NRXN1: variants seen among roughly 807,000 people sequenced by gnomAD.
The protein encoded by NRXN1 is neurexin-1.
In NRXN1, 39 loss-of-function variants were observed where a neutral mutation model predicts 150.9. The observed-to-expected ratio is 0.26, with a 90% CI of 0.20 to 0.34. The LOEUF (loss-of-function observed/expected upper bound fraction) is 0.34, where lower values mean the gene tolerates loss of function less well. NRXN1 is among the 10% of genes least tolerant of loss of function. The pLI, the probability that NRXN1 is intolerant of heterozygous loss-of-function variation, is 1.00. For synonymous variants in NRXN1, 924 were observed against 757.0 expected, an observed-to-expected ratio of 1.22 and a Z score of -3.62; for missense variants, 1,815 against 1,949.9, an observed-to-expected ratio of 0.93 and a Z score of 1.30.
At chr2:49,966,254 G>A (rs1022947702) in intron 21 of NRXN1, among the ~76,000 whole-genome samples, 10 of 152,108 alleles carry the variant, frequency 6.6e-5, no homozygotes, top group African/African-American at 2.2e-4. Context: ...TTTTCAAGAT[G>A]AAGAGATGTT....
chr2:50,519,605 C>G (rs1457561909), intron 12 of NRXN1, among the ~76,000 whole-genome samples: 1 of 151,896 alleles, frequency 6.6e-6, no homozygotes, highest in Non-Finnish European at 1.5e-5. Flanking sequence ...TGAGTTATGT[C>G]TCTGTGCCTG....
chr2:50,995,520 G>A (rs532820044), intron 2 of NRXN1, among the ~76,000 whole-genome samples: 3 of 150,576 alleles, frequency 2.0e-5, no homozygotes, highest in Non-Finnish European at 4.4e-5. Context: ...CAGGAAAATC[G>A]CATGAACCTG....
intron 18 of NRXN1, among the ~76,000 whole-genome samples, chr2:50,111,930 T>G (rs1335957587): frequency 6.6e-6 from 1 of 152,154 alleles, no homozygotes; most frequent in African/African-American, 2.4e-5. Context: ...ACGTGTAAGA[T>G]GGGTACCAAA....
chr2:50,685,660 C>G (rs1442789383), intron 5 of NRXN1, among the ~76,000 whole-genome samples: 1 of 152,070 alleles, frequency 6.6e-6, no homozygotes, highest in Non-Finnish European at 1.5e-5. Context: ...AGTCTCTAGT[C>G]TCTTCTCTCC....
chr2:49,950,966 C>T (rs953143657), intron 21 of NRXN1, among the ~76,000 whole-genome samples: 6 of 151,928 alleles, frequency 3.9e-5, no homozygotes, highest in African/African-American at 1.4e-4. Context: ...AAAAGGCAGA[C>T]TTGAAAGCCA....
In NRXN1 at chr2:50,489,351, A is replaced by G. The variant is rs138670993; in HGVS notation, c.3070+6554T>C. On this transcript the variant is annotated intron_variant, in intron 15 of 22. Coordinates refer to ENST00000401669, the MANE Select transcript of NRXN1 (RefSeq NM_001330078.2). ...TCAATAGGTGGCACTCTCGCTACCA[A>G]TCTCCATCTTGGGCCTGTGACTGAA... Among the ~76,000 whole-genome samples, 654 of 152,262 alleles carry G rather than the reference A, an allele frequency of 4.3e-3. 3 individuals carry two copies. Among genetic ancestry groups the G allele is most frequent in the Non-Finnish European group, 6.9e-3 (472 of 68,026 alleles).
chr2:50,278,955 A>T (rs560981117), intron 17 of NRXN1, among the ~76,000 whole-genome samples: 1 of 152,332 alleles, frequency 6.6e-6, no homozygotes, highest in East Asian at 1.9e-4. Context: ...AATAAAAATG[A>T]CATGCTTATC....
intron 3 of NRXN1, among the ~76,000 whole-genome samples, chr2:50,925,538 T>C (rs1437457930): frequency 1.3e-5 from 2 of 151,848 alleles, no homozygotes; most frequent in South Asian, 2.1e-4. Context: ...AATGAGATAA[T>C]GCTAAATTTT....
At chr2:50,473,762 A>G (rs1418615919) in intron 15 of NRXN1, among the ~76,000 whole-genome samples, 3 of 152,000 alleles carry the variant, frequency 2.0e-5, no homozygotes, top group Non-Finnish European at 4.4e-5. Context: ...TTGAGCTGTG[A>G]GTAACAAATT....
intron 12 of NRXN1, among the ~76,000 whole-genome samples, chr2:50,507,184 A>G (rs1338199576): frequency 6.6e-6 from 1 of 152,158 alleles, no homozygotes; most frequent in East Asian, 1.9e-4. Context: ...TGGTACCTCC[A>G]GTGCTCAACA....
intron 17 of NRXN1, among the ~76,000 whole-genome samples, chr2:50,370,550 C>G (rs2079943326): frequency 6.6e-6 from 1 of 152,012 alleles, no homozygotes; most frequent in African/African-American, 2.4e-5. Context: ...CTCTCTGCCA[C>G]TAGCTAGTAA....
chr2:50,554,855 T>C (rs1333311660), intron 8 of NRXN1, among the ~76,000 whole-genome samples: 1 of 152,202 alleles, frequency 6.6e-6, no homozygotes, highest in Non-Finnish European at 1.5e-5. Context: ...CCTTATTCTT[T>C]GAACAAATAT....
intron 17 of NRXN1, among the ~76,000 whole-genome samples, chr2:50,250,759 T>C (rs1194970563): frequency 6.6e-6 from 1 of 151,916 alleles, no homozygotes; most frequent in Admixed American, 6.6e-5. Flanking sequence ...TGTCATTCTA[T>C]CTTTATGAGA....
At chr2:50,707,772 T>A (rs1474129810) in intron 5 of NRXN1, among the ~76,000 whole-genome samples, 2 of 152,128 alleles carry the variant, frequency 1.3e-5, no homozygotes, top group Admixed American at 6.5e-5. Context: ...CCTATCTAGT[T>A]GAAAAATGTT....
At chr2:50,742,607 C>CAAA (rs376431319) in intron 5 of NRXN1, among the ~76,000 whole-genome samples, 2 of 69,828 alleles carry the variant, frequency 2.9e-5, no homozygotes, top group South Asian at 9.0e-4. Context: ...GACTCCGTCT[C>CAAA]AAAAAAAAAA....
intron 19 of NRXN1, among the ~76,000 whole-genome samples, chr2:50,067,243 C>T (rs1053855879): frequency 6.6e-6 from 1 of 152,188 alleles, no homozygotes; most frequent in Non-Finnish European, 1.5e-5. Flanking sequence ...TAAGTAATTT[C>T]TTCCTTCACA....
At chr2:49,932,278 T>C (rs1244936878) in intron 22 of NRXN1, among the ~76,000 whole-genome samples, 1 of 151,922 alleles carries the variant, frequency 6.6e-6, no homozygotes, top group East Asian at 1.9e-4. Flanking sequence ...AAAATTAGCC[T>C]GGCATGGTGG....
At chr2:50,285,034 T>C (rs2071948621) in intron 17 of NRXN1, among the ~76,000 whole-genome samples, 1 of 152,180 alleles carries the variant, frequency 6.6e-6, no homozygotes. Context: ...GAAAGATTAA[T>C]AAAAAGATAA....
At chr2:50,566,559 T>G (rs1278471596) in intron 8 of NRXN1, among the ~76,000 whole-genome samples, 5 of 152,144 alleles carry the variant, frequency 3.3e-5, no homozygotes, top group African/African-American at 1.2e-4. Context: ...CCAGCCATCA[T>G]GTTAATATGA....
Sources: gnomAD v4.1 joint callset for allele counts (sites outside exome capture counted in the v4.1 genomes callset) on GRCh38, gnomAD v4.1.1 for gene constraint, MANE v1.5 for transcripts, NCBI Gene and HGNC (gene_info 2026-07-23, HGNC 2026-07-21) for gene names.